SDC2: variants seen among roughly 807,000 people sequenced by gnomAD.
SDC2 encodes syndecan 2.
Under a neutral mutation model 22.2 loss-of-function variants are expected in SDC2, and 13 were observed. The ratio of observed to expected loss-of-function variants is 0.59; its 90% CI spans 0.38 to 0.93. The LOEUF is 0.93. Ranked by LOEUF, SDC2 falls within the 40% of genes least tolerant of loss-of-function variation. The pLI, the probability that SDC2 is intolerant of heterozygous loss-of-function variation, is 0.00. For synonymous variants in SDC2, 94 were observed against 92.8 expected (o/e 1.01, Z -0.07); for missense variants, 235 against 246.8 (o/e 0.95, Z 0.32).
rs549098854 is a variant in SDC2, at chr8:96,502,004, A to G, written c.60+7673A>G. Among the ~76,000 whole-genome samples the G allele has an allele frequency of 1.8e-3, 273 of 152,080 alleles. 13 individuals are homozygous for G. In the East Asian group the frequency reaches 0.05, roughly 28 times the overall value. On this transcript the variant is annotated intron_variant, in intron 1 of 4. Coordinates refer to ENST00000302190, the MANE Select transcript of SDC2 (RefSeq NM_002998.4). ...TCATTGTTTACTAGGAGTGGTATAC[A>G]TTGTCCTGCGTATTCGTGATCTAAT...
chr8:96,538,520 T>A (rs1041824113), intron 1 of SDC2, among the ~76,000 whole-genome samples: 1 of 152,188 alleles, frequency 6.6e-6, no homozygotes, highest in Non-Finnish European at 1.5e-5. Flanking sequence ...TAGAGGTATT[T>A]TTTTTTCCAG....
At chr8:96,602,355 A>G in intron 2 of SDC2, 40 bp from the exon 3 acceptor site, 2 of 1,604,438 alleles carry the variant, frequency 1.2e-6, no homozygotes, top group African/African-American at 2.7e-5. Context: ...CATCTGTGTC[A>G]TGATTGCCAT....
chr8:96,599,994 A>T (rs1008309477), intron 2 of SDC2, among the ~76,000 whole-genome samples: 1 of 151,952 alleles, frequency 6.6e-6, no homozygotes, highest in Admixed American at 6.6e-5. Context: ...AAATAATAAT[A>T]ATTTTTTTTT....
chr8:96,569,441 G>T (rs1814354881), intron 1 of SDC2, among the ~76,000 whole-genome samples: 1 of 152,136 alleles, frequency 6.6e-6, no homozygotes, highest in Non-Finnish European at 1.5e-5. Context: ...ACTTAGCAGA[G>T]TATCTACCTC....
intron 1 of SDC2, among the ~76,000 whole-genome samples, chr8:96,549,701 G>C (rs1813995711): frequency 6.6e-6 from 1 of 152,176 alleles, no homozygotes; most frequent in Non-Finnish European, 1.5e-5. Context: ...TTCGAGAGTA[G>C]GAGTAATAAT....
intron 1 of SDC2, among the ~76,000 whole-genome samples, chr8:96,554,900 A>C (rs758325301): frequency 1.8e-4 from 28 of 152,076 alleles, no homozygotes; most frequent in Non-Finnish European, 3.7e-4. Flanking sequence ...CTGTGGGCCC[A>C]GCTCCTCCCT....
intron 1 of SDC2, among the ~76,000 whole-genome samples, chr8:96,505,523 A>C (rs1813226041): frequency 6.6e-6 from 1 of 152,120 alleles, no homozygotes; most frequent in Non-Finnish European, 1.5e-5. Flanking sequence ...GATGGTCTCA[A>C]TCTCCTGACC....
At chr8:96,494,951 C>G (rs1813046283) in intron 1 of SDC2, among the ~76,000 whole-genome samples, 1 of 152,194 alleles carries the variant, frequency 6.6e-6, no homozygotes, top group African/African-American at 2.4e-5. Flanking sequence ...GTAGGCGATC[C>G]CTCAAGGGGA....
At chr8:96,594,573 A>G (rs2582797) in intron 2 of SDC2, among the ~76,000 whole-genome samples, 1 of 152,068 alleles carries the variant, frequency 6.6e-6, no homozygotes, top group Non-Finnish European at 1.5e-5. Context: ...ATAAAGTCAC[A>G]TTTACAGAGG....
chr8:96,551,766 T>G (rs1023340500), intron 1 of SDC2, among the ~76,000 whole-genome samples: 1 of 152,230 alleles, frequency 6.6e-6, no homozygotes. Flanking sequence ...GGCCTCCATA[T>G]TTTGGGCCTT....
chr8:96,558,378 A>G (rs1426752229), intron 1 of SDC2, among the ~76,000 whole-genome samples: 1 of 152,036 alleles, frequency 6.6e-6, no homozygotes, highest in African/African-American at 2.4e-5. Flanking sequence ...ATGGATAGGT[A>G]TGTTTCCTGT....
At chr8:96,496,266 C>T (rs1813074031) in intron 1 of SDC2, among the ~76,000 whole-genome samples, 1 of 152,212 alleles carries the variant, frequency 6.6e-6, no homozygotes. Context: ...ACCTGTCCTC[C>T]CCGGTGACAG....
chr8:96,579,317 A>C (rs1586311464), intron 1 of SDC2, among the ~76,000 whole-genome samples: 1 of 152,204 alleles, frequency 6.6e-6, no homozygotes, highest in Non-Finnish European at 1.5e-5. Context: ...GAGGGTTTTT[A>C]ATATAAGTTT....
chr8:96,502,388 A>G (rs541033322), intron 1 of SDC2, among the ~76,000 whole-genome samples: 7 of 152,332 alleles, frequency 4.6e-5, no homozygotes, highest in Admixed American at 3.3e-4. Context: ...AAACCATATC[A>G]CTAGTATTTT....
chr8:96,598,196 G>A (rs1462306962), intron 2 of SDC2, among the ~76,000 whole-genome samples: 1 of 152,148 alleles, frequency 6.6e-6, no homozygotes, highest in South Asian at 2.1e-4. Flanking sequence ...TTCCATGAGG[G>A]CCCTGCCCCC....
At chr8:96,494,541 C>G (rs1037627937) in intron 1 of SDC2, among the ~76,000 whole-genome samples, 2 of 152,206 alleles carry the variant, frequency 1.3e-5, no homozygotes, top group Non-Finnish European at 2.9e-5. Context: ...ACCCCGCGGT[C>G]CGCGGGAATG....
At chr8:96,587,421 C>G (rs1017709916) in intron 1 of SDC2, among the ~76,000 whole-genome samples, 3 of 152,220 alleles carry the variant, frequency 2.0e-5, no homozygotes, top group Non-Finnish European at 4.4e-5. Context: ...GTAAAGACAA[C>G]AGTATGTGCT....
intron 1 of SDC2, among the ~76,000 whole-genome samples, chr8:96,510,218 T>C (rs190242569): frequency 4.5e-4 from 68 of 152,358 alleles, no homozygotes; most frequent in African/African-American, 1.5e-3. Flanking sequence ...TTGAATATAC[T>C]GATCATGTAT....
intron 1 of SDC2, among the ~76,000 whole-genome samples, chr8:96,540,319 C>G (rs1813824508): frequency 1.2e-5 from 1 of 84,938 alleles, no homozygotes; most frequent in East Asian, 2.9e-4. Context: ...TAGCAAAACC[C>G]TGTCTCTACT....
Sources: allele counts gnomAD v4.1 joint callset (sites outside exome capture counted in the v4.1 genomes callset), GRCh38; gene constraint gnomAD v4.1.1; transcripts MANE v1.5; gene names NCBI Gene and HGNC (gene_info 2026-07-23, HGNC 2026-07-21).